Variants in NPR1 observed in about 807,000 individuals in gnomAD.
NPR1 encodes the protein natriuretic peptide receptor 1, also known as atrial natriuretic peptide receptor 1.
A neutral mutation model predicts 116.9 loss-of-function variants in NPR1; 57 were observed. That is an observed-to-expected ratio of 0.49 (90% CI 0.39 to 0.61). The LOEUF (loss-of-function observed/expected upper bound fraction) is 0.61, where lower values mean the gene tolerates loss of function less well. Ranked by LOEUF, NPR1 falls within the 20% of genes least tolerant of loss-of-function variation. The pLI is 0.00. For missense variants in NPR1, 1,096 were observed against 1,409.8 expected (o/e 0.78, Z 3.56); for synonymous variants, 555 against 601.6 (o/e 0.92, Z 1.13).
Position 153,689,965 on chromosome 1 carries a change from A to T in NPR1, c.2917A>T (p.Ile973Phe), listed in dbSNP as rs992523918. 2.0e-6 allele frequency: 3 copies of T among 1,533,636 alleles called. No homozygotes were observed. The highest frequency in any genetic ancestry group is 2.6e-6 in the Non-Finnish European group (3 of 1,136,036). The stretch of plus-strand genomic sequence containing the variant: ...GCCCCAGGAGCAGCTGCGCTTGCGC[A>T]TTGGCATCCACACAGGTAAGGCCAC... Reference protein sequence around the residue: ...HRPQEQLRLRIGIHTGPVCAG... With the variant: ...HRPQEQLRLRFGIHTGPVCAG... The change falls in exon 19 of 22, where the codon ATT becomes TTT. Residue 973 changes from isoleucine (I) to phenylalanine (F), a missense_variant. Ile to Phe is a conservative substitution (Grantham distance 21, BLOSUM62 0). Coordinates refer to ENST00000368680, the MANE Select transcript of NPR1 (RefSeq NM_000906.4). This position sits in a 1 kb window ranked among gnomAD's most constrained non-coding sequence, Gnocchi z 5.1.
At chr1:153,681,876 G>A (rs1669791910) in intron 4 of NPR1, 37 bp downstream of exon 4, 1 of 1,607,716 alleles carries the variant, frequency 6.2e-7, no homozygotes. Flanking sequence ...GGCTGCCTTG[G>A]GGGATGAATC....
chr1:153,688,734 T>A (rs1670003224), intron 15 of NPR1: 1 of 590,216 alleles, frequency 1.7e-6, no homozygotes. Context: ...AAAATGTCCA[T>A]ATGTCTGAAG....
chr1:153,682,771 G>A (rs1669818228), intron 5 of NPR1, among the ~76,000 whole-genome samples, 182 bp downstream of exon 5: 1 of 152,250 alleles, frequency 6.6e-6, no homozygotes, highest in Admixed American at 6.5e-5. Context: ...CAGAATGATA[G>A]GGACTCACAG....
At chr1:153,688,691 CCTT>C in intron 15 of NPR1, 4 of 537,138 alleles carry the variant, frequency 7.4e-6, no homozygotes, top group Non-Finnish European at 1.3e-5. Flanking sequence ...TCCTTTACCT[CCTT>C]CTAACTCACT....
intron 15 of NPR1, 143 bp from the exon 16 acceptor site, chr1:153,688,810 C>T (rs914223141): frequency 5.4e-5 from 51 of 946,004 alleles, no homozygotes; most frequent in Non-Finnish European, 6.9e-5. Flanking sequence ...TCCCCTGCTC[C>T]CCGGTATCCT....
intron 13 of NPR1, 113 bp from the exon 14 acceptor site, chr1:153,687,521 T>C: frequency 6.8e-7 from 1 of 1,479,812 alleles, no homozygotes; most frequent in Non-Finnish European, 9.1e-7. Flanking sequence ...AGGCCTCCTC[T>C]AGCTCTAACA....
intron 11 of NPR1, 23 bp from the exon 12 acceptor site, chr1:153,686,993 T>G (rs763726224): frequency 5.1e-5 from 82 of 1,613,160 alleles, no homozygotes; most frequent in Non-Finnish European, 6.9e-5. Context: ...AGGGGATTGG[T>G]CTGACTCTTA....
At position 153,690,440 on chromosome 1, in the gene NPR1, T is replaced by C; in HGVS notation, c.3031+58T>C. Reference sequence around the variant, plus strand: ...GGCAGGGTGGCTGAGGGAAATGCCATCCTGGGGCAGCCTGTGCCTGCACAG... The same window carrying C: ...GGCAGGGTGGCTGAGGGAAATGCCACCCTGGGGCAGCCTGTGCCTGCACAG... On this transcript the variant is annotated intron_variant, in intron 20 of 21. Transcript: ENST00000368680. The C allele has an allele frequency of 3.0e-6, 4 of 1,316,542 alleles. No homozygotes were observed. In the South Asian group the frequency reaches 5.1e-5, roughly 17 times the overall value. 81.6% of individuals were successfully genotyped at this position (1,316,542 alleles called of 1,614,324 possible).
intron 4 of NPR1, 139 bp from the exon 5 acceptor site, chr1:153,682,359 C>T (rs756656613): frequency 1.2e-5 from 8 of 666,332 alleles, no homozygotes; most frequent in Non-Finnish European, 1.9e-5. Flanking sequence ...AGTGCCCGGC[C>T]GTTTTACCAT....
intron 7 of NPR1, 116 bp downstream of exon 7, chr1:153,683,940 C>A: frequency 2.4e-6 from 2 of 824,346 alleles, no homozygotes; most frequent in South Asian, 1.5e-5. Context: ...CAGGGGAAAA[C>A]CAAGGGAGAT....
chr1:153,680,750 T>C (rs756519514), intron 2 of NPR1, 50 bp downstream of exon 2: 4 of 1,468,608 alleles, frequency 2.7e-6, no homozygotes, highest in African/African-American at 1.4e-5. Flanking sequence ...TGGCACATCA[T>C]TTCTGGGCAC....
At chr1:153,680,477 C>T in intron 1 of NPR1, 24 bp from the exon 2 acceptor site, 3 of 1,612,328 alleles carry the variant, frequency 1.9e-6, no homozygotes, top group Non-Finnish European at 2.5e-6. Flanking sequence ...AGGCTTCTCT[C>T]TCTGACTCTC....
At position 153,679,968 on chromosome 1, in the gene NPR1, T is replaced by A; in HGVS notation, c.721+139T>A. 8.4e-7 allele frequency: 1 copy of A among 1,191,246 alleles called. No individual in the cohort carries two copies. Among genetic ancestry groups the A allele is most frequent in the Non-Finnish European group, 1.1e-6 (1 of 869,592 alleles). The allele number at this position is 1,191,246 out of a possible 1,614,324, so 73.8% of individuals were successfully genotyped here. A position where few individuals can be genotyped will look rare whatever the true frequency, so the allele number is the denominator to read the frequency against. ...GTTCTTCATTCTACTTTCAGCTCCC[T>A]GGCCCTTTCTACAGCTGAGTTTCTA... On this transcript the variant is annotated intron_variant, in intron 1 of 21. Transcript: ENST00000368680. This position sits in a 1 kb window ranked among gnomAD's most constrained non-coding sequence, Gnocchi z 4.2.
intron 20 of NPR1, among the ~76,000 whole-genome samples, chr1:153,691,358 A>G (rs1001635280): frequency 2.0e-5 from 3 of 152,240 alleles, no homozygotes; most frequent in African/African-American, 4.8e-5. Context: ...AATTCAATGC[A>G]GTAAACATTT....
chr1:153,689,854 C>G lies in NPR1; in HGVS notation c.2806C>G (p.Arg936Gly). ...CATGGTGGTGTCAGGGCTCCCTGTG[C>G]GGAACGGGCGGCTACACGCCTGCGA... ...AYMVVSGLPVRNGRLHACEVA... is the reference protein window; with the variant it reads ...AYMVVSGLPVGNGRLHACEVA... The change falls in exon 19 of 22, where the codon CGG becomes GGG. Residue 936 changes from arginine (R) to glycine (G), a missense_variant. Arg to Gly is a moderately radical substitution (Grantham distance 125). Coordinates refer to ENST00000368680, the MANE Select transcript of NPR1 (RefSeq NM_000906.4). The surrounding 1 kb of genome is among the most constrained non-coding windows in gnomAD (Gnocchi z 5.1). 6 of 1,592,100 alleles carry G rather than the reference C, an allele frequency of 3.8e-6. No homozygotes were observed. Among genetic ancestry groups the G allele is most frequent in the Non-Finnish European group, 5.1e-6 (6 of 1,166,582 alleles).
rs201267901 is a variant in NPR1, at chr1:153,689,127, C to G, written c.2564+28C>G. On this transcript the variant is annotated intron_variant, in intron 16 of 21. Coordinates refer to ENST00000368680, the MANE Select transcript of NPR1 (RefSeq NM_000906.4). This position sits in a 1 kb window ranked among gnomAD's most constrained non-coding sequence, Gnocchi z 5.1. ...GAGTGCCTGAGTCTGGGGACCCCCCCCAACACAAAGCCCCTGTCCCGACCC... is the reference window on the plus strand; with the variant it reads ...GAGTGCCTGAGTCTGGGGACCCCCCGCAACACAAAGCCCCTGTCCCGACCC... 1.9e-5 allele frequency: 31 copies of G among 1,613,992 alleles called. No homozygotes were observed. Among genetic ancestry groups the G allele is most frequent in the Middle Eastern group, 1.6e-4 (1 of 6,084 alleles).
rs182480415 is a variant in NPR1 at position 153,688,876 on chromosome 1, A to T, written c.2418-77A>T. 1,871 of 1,570,560 alleles carry T rather than the reference A, an allele frequency of 1.2e-3. 13 individuals carry two copies. In the Middle Eastern group the frequency reaches 0.014, roughly 12 times the overall value. The stretch of plus-strand genomic sequence containing the variant: ...GACCTCACTGCAGTCTGGAGGGGGA[A>T]GTGCCTAGGGGCGGGCGCTCACGGT... On this transcript the variant is annotated intron_variant, in intron 15 of 21. Coordinates refer to ENST00000368680, the MANE Select transcript of NPR1 (RefSeq NM_000906.4).
intron 15 of NPR1, 120 bp from the exon 16 acceptor site, chr1:153,688,833 A>C: frequency 8.0e-7 from 1 of 1,255,950 alleles, no homozygotes; most frequent in South Asian, 1.3e-5. Flanking sequence ...TATGCCCTCA[A>C]CCCTGAGCGT....
rs747201619 is a variant in NPR1 at position 153,679,620 on chromosome 1, C to T, written c.512C>T (p.Ala171Val). ...GCCAAGCTGGGGGACTTCGTGGCGG[C>T]GCTGCACCGACGGCTGGGCTGGGAG... ...SYAKLGDFVA[A>V]LHRRLGWERQ... Residue 171 changes from alanine to valine, a missense_variant, in exon 1 of 22, where the codon GCG becomes GTG. Physicochemically the swap from Ala to Val is moderately conservative, Grantham distance 64 (BLOSUM62 0). Transcript: ENST00000368680. The surrounding 1 kb of genome is among the most constrained non-coding windows in gnomAD (Gnocchi z 4.2). 6.3e-7 allele frequency: 1 copy of T among 1,589,582 alleles called. No homozygotes were observed. The highest frequency in any genetic ancestry group is 8.5e-7 in the Non-Finnish European group (1 of 1,170,778).
Sources: gnomAD v4.1 joint callset for allele counts (sites outside exome capture counted in the v4.1 genomes callset) on GRCh38, gnomAD v4.1.1 for gene constraint, Gnocchi (gnomAD v3.1) non-coding constraint, MANE v1.5 for transcripts, NCBI Gene and HGNC (gene_info 2026-07-23, HGNC 2026-07-21) for gene names.